The following ITPR1 variants were observed in gnomAD, a reference collection of about 807,000 sequenced individuals.
ITPR1 encodes the protein inositol 1,4,5-trisphosphate receptor type 1, also known as inositol 1,4,5-trisphosphate-gated calcium channel ITPR1.
ITPR1 carries 96 observed loss-of-function variants against 318.4 expected under a neutral mutation model. The ratio of observed to expected loss-of-function variants is 0.30; its 90% CI spans 0.26 to 0.36. ITPR1 has a LOEUF of 0.36. Ranked by LOEUF, ITPR1 falls within the 10% of genes least tolerant of loss-of-function variation. The pLI, the probability that ITPR1 is intolerant of heterozygous loss-of-function variation, is 1.00. For missense variants in ITPR1, 2,440 were observed against 3,460.2 expected (o/e 0.71, Z 7.40); for synonymous variants, 1,312 against 1,289.9 (o/e 1.02, Z -0.37).
intron 4 of ITPR1, among the ~76,000 whole-genome samples, chr3:4,589,207 C>G (rs1355392727): frequency 1.3e-5 from 2 of 152,046 alleles, no homozygotes; most frequent in African/African-American, 4.8e-5. Context: ...AAACTGCAAC[C>G]TAGGAGACAT....
At chr3:4,519,258 C>T (rs1185085505) in intron 3 of ITPR1, among the ~76,000 whole-genome samples, 1 of 151,946 alleles carries the variant, frequency 6.6e-6, no homozygotes, top group Non-Finnish European at 1.5e-5. Flanking sequence ...GATGGAGTCT[C>T]ACTCTGTCGC....
intron 60 of ITPR1, among the ~76,000 whole-genome samples, chr3:4,832,598 G>T (rs933514985): frequency 6.6e-6 from 1 of 152,106 alleles, no homozygotes; most frequent in African/African-American, 2.4e-5. Context: ...TGGCGCCACT[G>T]CACTCCAGCC....
intron 34 of ITPR1, among the ~76,000 whole-genome samples, 173 bp downstream of exon 34, chr3:4,697,445 T>C: frequency 7.3e-6 from 1 of 136,292 alleles, no homozygotes; most frequent in Non-Finnish European, 1.6e-5. Flanking sequence ...TTCTCATGTA[T>C]CCTTTCTTCC....
chr3:4,748,010 C>T (rs1027317611), intron 44 of ITPR1, among the ~76,000 whole-genome samples: 8 of 152,082 alleles, frequency 5.3e-5, no homozygotes, highest in South Asian at 4.1e-4. Flanking sequence ...CATGTTTGGG[C>T]GAAGGGAAAG....
intron 52 of ITPR1, among the ~76,000 whole-genome samples, chr3:4,793,977 C>G (rs1030671190): frequency 6.6e-6 from 1 of 152,122 alleles, no homozygotes; most frequent in African/African-American, 2.4e-5. Context: ...ATTATAAGGC[C>G]GTTGGATTTG....
chr3:4,729,154 T>C (rs1400664507), intron 42 of ITPR1, among the ~76,000 whole-genome samples: 2 of 152,176 alleles, frequency 1.3e-5, no homozygotes, highest in African/African-American at 4.8e-5. Flanking sequence ...ACTTTGTAAT[T>C]AGAAACAGGT....
At chr3:4,589,868 C>T (rs1252078160) in intron 4 of ITPR1, among the ~76,000 whole-genome samples, 1 of 152,172 alleles carries the variant, frequency 6.6e-6, no homozygotes, top group Non-Finnish European at 1.5e-5. Context: ...TTGAGAACAG[C>T]TGTATGAGAA....
At position 4,667,530 on chromosome 3, in the gene ITPR1, C is replaced by T; in HGVS notation, c.1867C>T (p.Arg623Ter). The part of the protein sequence containing the change: ...AEIDTFVSLV[R>*]KNREPRFLDY... ...GATTGACACATTTGTCAGCCTGGTG[C>T]GAAAGAACAGGGAGCCCAGGTGAGG... The change falls in exon 18 of 62, where the codon CGA becomes TGA. Residue 623 changes from arginine (R) to a stop codon, truncating the protein, a stop_gained. Transcript: ENST00000649015. LOFTEE classifies it high-confidence loss of function. 6.2e-7 allele frequency: 1 copy of T among 1,612,988 alleles called. No individual in the cohort carries two copies. The highest frequency in any genetic ancestry group is 8.5e-7 in the Non-Finnish European group (1 of 1,179,412).
rs774993721 is a variant in ITPR1 at position 4,788,135 on chromosome 3, G to A, written c.6804G>A (p.Leu2268=). The change falls in exon 52 of 62, where the codon CTG becomes CTA. Residue 2268 remains leucine (L), a synonymous_variant. Transcript: ENST00000649015. ...ATGAAATGAATTGGCAGAAGAAACT[G>A]AGAGGTGGGTTCCAACGCATCAGCA... ...LFNEMNWQKK[L]RAQPVLYWCA... 1 of 1,598,908 alleles carries A rather than the reference G, an allele frequency of 6.3e-7. No individual in the cohort carries two copies. Among genetic ancestry groups the A allele is most frequent in the South Asian group, 1.1e-5 (1 of 88,048 alleles).
chr3:4,632,056 C>G (rs182571620), intron 5 of ITPR1, among the ~76,000 whole-genome samples: 8 of 152,328 alleles, frequency 5.3e-5, no homozygotes, highest in Admixed American at 4.6e-4. Context: ...GTTCACTTTA[C>G]CCAGCATCCC....
chr3:4,756,200 G>C (rs561193846), intron 44 of ITPR1, among the ~76,000 whole-genome samples: 1 of 152,262 alleles, frequency 6.6e-6, no homozygotes, highest in East Asian at 1.9e-4. Flanking sequence ...TTGAGAGGAG[G>C]GTCTGACACA....
intron 31 of ITPR1, among the ~76,000 whole-genome samples, chr3:4,688,874 A>G (rs1026905356): frequency 2.6e-5 from 4 of 152,244 alleles, no homozygotes; most frequent in African/African-American, 9.6e-5. Context: ...ATATTTTCCT[A>G]GTCAAGTCCT....
intron 40 of ITPR1, among the ~76,000 whole-genome samples, 189 bp downstream of exon 40, chr3:4,717,588 T>G (rs891368191): frequency 1.3e-5 from 2 of 152,168 alleles, no homozygotes; most frequent in Non-Finnish European, 2.9e-5. Context: ...TGTTTGCCAT[T>G]AGTCCTTGGA....
intron 40 of ITPR1, among the ~76,000 whole-genome samples, chr3:4,724,932 C>T (rs1380091177): frequency 1.3e-5 from 2 of 152,134 alleles, no homozygotes; most frequent in Non-Finnish European, 2.9e-5. Context: ...AAACTCATCT[C>T]CAAAGTAACC....
At chr3:4,844,288 AT>A (rs577953715) in intron 61 of ITPR1, among the ~76,000 whole-genome samples, 16 of 151,770 alleles carry the variant, frequency 1.1e-4, no homozygotes, top group South Asian at 2.1e-4. Context: ...TGCCTAGCTA[AT>A]TTTTTTTCCC....
intron 16 of ITPR1, 149 bp downstream of exon 16, chr3:4,663,355 C>T (rs796950095): frequency 1.9e-5 from 11 of 574,574 alleles, no homozygotes; most frequent in South Asian, 1.3e-4. Flanking sequence ...GTGAGCTGAT[C>T]GCATCACTGC....
At chr3:4,545,513 C>T (rs566563205) in intron 4 of ITPR1, among the ~76,000 whole-genome samples, 3 of 150,936 alleles carry the variant, frequency 2.0e-5, no homozygotes, top group Middle Eastern at 3.4e-3. Context: ...GTCCCAGCTA[C>T]TGAGGAGGCT....
chr3:4,644,496 T>C (rs2125157390), intron 8 of ITPR1, among the ~76,000 whole-genome samples: 2 of 152,348 alleles, frequency 1.3e-5, no homozygotes, highest in South Asian at 4.1e-4. Context: ...GTTTTTTCAT[T>C]GGTGAAGCCA....
At chr3:4,754,851 C>G (rs1435865296) in intron 44 of ITPR1, among the ~76,000 whole-genome samples, 2 of 152,232 alleles carry the variant, frequency 1.3e-5, no homozygotes, top group African/African-American at 2.4e-5. Context: ...TCAAGGGTAT[C>G]GTTGATTTGA....
Sources: allele counts gnomAD v4.1 joint callset (sites outside exome capture counted in the v4.1 genomes callset), GRCh38; gene constraint gnomAD v4.1.1; transcripts MANE v1.5; gene names NCBI Gene and HGNC (gene_info 2026-07-23, HGNC 2026-07-21).